The following INTS4 variants were observed in gnomAD, a reference collection of about 807,000 sequenced individuals.
The protein encoded by INTS4 is MSTP093.
Under a neutral mutation model 119.5 loss-of-function variants are expected in INTS4, and 70 were observed. The observed-to-expected ratio is 0.59, with a 90% CI of 0.48 to 0.71. INTS4 has a LOEUF of 0.71. Ranked by LOEUF, INTS4 falls within the 30% of genes least tolerant of loss-of-function variation. The probability of loss-of-function intolerance (pLI) is 0.00; values close to 1 mark genes in which losing one functional copy is unlikely to be tolerated. For missense variants in INTS4, 867 were observed against 1,173.2 expected, an observed-to-expected ratio of 0.74 and a Z score of 3.81; for synonymous variants, 316 against 419.6, an observed-to-expected ratio of 0.75 and a Z score of 3.02.
rs1366075130 is a variant in INTS4, at chr11:77,917,632, A to T, written c.1922+1189T>A. Among the ~76,000 whole-genome samples, 3 of 151,908 alleles carry T rather than the reference A, an allele frequency of 2.0e-5. No homozygotes were observed. The East Asian group carries it at 5.9e-4, about 30-fold the overall frequency. On this transcript the variant is annotated intron_variant, in intron 15 of 22. Transcript: ENST00000534064. ...GCCGATATAATATTTTTCTCTTTTAAGAGCAAACAATAAAGAATTTAAACT... is the reference window on the plus strand; with the variant it reads ...GCCGATATAATATTTTTCTCTTTTATGAGCAAACAATAAAGAATTTAAACT...
At chr11:77,956,109 C>A in intron 7 of INTS4, 47 bp from the exon 8 acceptor site, 2 of 1,550,582 alleles carry the variant, frequency 1.3e-6, no homozygotes, top group Non-Finnish European at 1.7e-6. Context: ...AAAACATGAA[C>A]CTAAGTCTGC....
intron 4 of INTS4, among the ~76,000 whole-genome samples, chr11:77,974,233 CTTTTCTTTTTTTTT>C (rs1855854133): frequency 1.0e-5 from 1 of 98,276 alleles, no homozygotes; most frequent in South Asian, 2.9e-4. Flanking sequence ...TATAATTTTT[CTTTTCTTTTTTTTT>C]TTTTTTTTTT....
intron 3 of INTS4, 67 bp from the exon 4 acceptor site, chr11:77,979,169 T>C (rs1856085637): frequency 2.2e-6 from 2 of 890,766 alleles, no homozygotes; most frequent in African/African-American, 1.6e-5. Context: ...ACTAATTTAC[T>C]TGGGTAAAGA....
At chr11:77,907,848 A>G in intron 15 of INTS4, 38 bp from the exon 16 acceptor site, 1 of 1,270,796 alleles carries the variant, frequency 7.9e-7, no homozygotes, top group Non-Finnish European at 1.1e-6. Context: ...ACACAGGATA[A>G]GGATAATGCC....
At chr11:77,973,576 C>T (rs190691998) in intron 4 of INTS4, among the ~76,000 whole-genome samples, 4 of 151,594 alleles carry the variant, frequency 2.6e-5, no homozygotes, top group African/African-American at 4.8e-5. Context: ...ATTCCATTTA[C>T]AAGGGTCAGG....
intron 16 of INTS4, among the ~76,000 whole-genome samples, chr11:77,905,927 TG>T (rs1470411491): frequency 6.6e-6 from 1 of 152,216 alleles, no homozygotes; most frequent in Non-Finnish European, 1.5e-5. Context: ...CTTGCAAAAA[TG>T]TATGTTGTTA....
intron 2 of INTS4, among the ~76,000 whole-genome samples, chr11:77,990,501 C>G (rs1488309976): frequency 6.6e-6 from 1 of 152,054 alleles, no homozygotes; most frequent in Admixed American, 6.6e-5. Flanking sequence ...GCCTGGCCAA[C>G]ATGGCAAAAC....
At chr11:77,988,855 T>C (rs1856553776) in intron 2 of INTS4, among the ~76,000 whole-genome samples, 1 of 152,224 alleles carries the variant, frequency 6.6e-6, no homozygotes, top group South Asian at 2.1e-4. Flanking sequence ...TGTCTCAGTT[T>C]CTTCATCAAA....
intron 8 of INTS4, among the ~76,000 whole-genome samples, chr11:77,951,528 A>C (rs912693327): frequency 3.3e-5 from 5 of 152,220 alleles, no homozygotes; most frequent in African/African-American, 4.8e-5. Context: ...TGGATTAAAG[A>C]CTTAAATGTT....
chr11:77,878,580 G>A, downstream of INTS4: 1 of 536,840 alleles, frequency 1.9e-6, no homozygotes, highest in Middle Eastern at 2.7e-4. Flanking sequence ...TAAGAAATAA[G>A]ACTATAGCTC....
intron 4 of INTS4, among the ~76,000 whole-genome samples, chr11:77,962,638 A>G (rs541612302): frequency 1.9e-4 from 29 of 152,296 alleles, no homozygotes; most frequent in Non-Finnish European, 3.2e-4. Context: ...ATAAAAACAG[A>G]CATACAGCAA....
At chr11:77,929,942 T>C (rs1953605664) in intron 10 of INTS4, among the ~76,000 whole-genome samples, 1 of 152,188 alleles carries the variant, frequency 6.6e-6, no homozygotes, top group Non-Finnish European at 1.5e-5. Flanking sequence ...TAAAGTACCC[T>C]GAAAACAGAG....
chr11:77,919,551 G>A lies in INTS4; in HGVS notation c.1765-573C>T, dbSNP rs560563808. 2.0e-4 allele frequency among the ~76,000 whole-genome samples: 30 copies of A among 152,324 alleles called. 1 individual carries two copies. ...TCTGCCTGCCTCGGCCACCCAGAGT[G>A]CTGGGATTACAGGCGTGAGCCACTG... On this transcript the variant is annotated intron_variant, in intron 14 of 22. Coordinates refer to ENST00000534064, the MANE Select transcript of INTS4 (RefSeq NM_033547.4).
At chr11:77,975,010 T>A (rs1855887682) in intron 4 of INTS4, among the ~76,000 whole-genome samples, 1 of 152,200 alleles carries the variant, frequency 6.6e-6, no homozygotes, top group Non-Finnish European at 1.5e-5. Context: ...TAACTAAAGG[T>A]TTGTCAATTT....
intron 8 of INTS4, among the ~76,000 whole-genome samples, chr11:77,949,647 C>T (rs1316045104): frequency 6.6e-6 from 1 of 151,896 alleles, no homozygotes; most frequent in African/African-American, 2.4e-5. Flanking sequence ...TAGAGAAATG[C>T]AAATCAAAAC....
chr11:77,929,792 C>G (rs1234324932), intron 10 of INTS4, among the ~76,000 whole-genome samples: 1 of 152,106 alleles, frequency 6.6e-6, no homozygotes, highest in East Asian at 1.9e-4. Context: ...AATTTCTCGC[C>G]TGGTAAGTGG....
intron 4 of INTS4, among the ~76,000 whole-genome samples, chr11:77,965,568 T>C (rs1232516284): frequency 2.0e-5 from 3 of 152,210 alleles, no homozygotes; most frequent in Non-Finnish European, 4.4e-5. Flanking sequence ...CACACACAAA[T>C]GAGATCATGT....
intron 15 of INTS4, among the ~76,000 whole-genome samples, chr11:77,917,551 C>T (rs1389226024): frequency 6.6e-6 from 1 of 151,958 alleles, no homozygotes; most frequent in East Asian, 2.0e-4. Flanking sequence ...CTCAAGTGAT[C>T]CTCCCGCCTC....
At chr11:77,920,359 AC>A (rs1953328413) in intron 14 of INTS4, among the ~76,000 whole-genome samples, 1 of 150,542 alleles carries the variant, frequency 6.6e-6, no homozygotes, top group Non-Finnish European at 1.5e-5. Context: ...ATTTGGAGTC[AC>A]CCAAGCAGGG....
Sources: allele counts gnomAD v4.1 joint callset (sites outside exome capture counted in the v4.1 genomes callset), GRCh38; gene constraint gnomAD v4.1.1; transcripts MANE v1.5; gene names NCBI Gene and HGNC (gene_info 2026-07-23, HGNC 2026-07-21).